The following NELL1 variants were observed in gnomAD, a reference collection of about 807,000 sequenced individuals.
NELL1 encodes the protein neural EGFL like 1.
Under a neutral mutation model 107.4 loss-of-function variants are expected in NELL1, and 76 were observed. The ratio of observed to expected loss-of-function variants is 0.71; its 90% CI spans 0.59 to 0.86. The LOEUF is 0.86. Ranked by LOEUF, NELL1 falls within the 40% of genes least tolerant of loss-of-function variation. The pLI, the probability that NELL1 is intolerant of heterozygous loss-of-function variation, is 0.00. For synonymous variants in NELL1, 353 were observed against 341.2 expected (o/e 1.03, Z -0.38); for missense variants, 1,024 against 1,005.5 (o/e 1.02, Z -0.25).
intron 12 of NELL1, among the ~76,000 whole-genome samples, chr11:21,030,248 G>C (rs950870267): frequency 6.6e-6 from 1 of 152,106 alleles, no homozygotes; most frequent in Admixed American, 6.6e-5. Flanking sequence ...GGCCAGGAAG[G>C]GTCCCTGATT....
chr11:21,216,459 A>C (rs561336537), intron 13 of NELL1, among the ~76,000 whole-genome samples: 60 of 152,272 alleles, frequency 3.9e-4, no homozygotes, highest in South Asian at 3.5e-3. Flanking sequence ...TGCCTGGAAA[A>C]GTTGCAGACA....
intron 15 of NELL1, among the ~76,000 whole-genome samples, chr11:21,481,753 G>T (rs930105222): frequency 2.0e-5 from 3 of 152,162 alleles, no homozygotes; most frequent in Admixed American, 6.6e-5. Context: ...GGCAATCTGG[G>T]CTAGCCCCAC....
chr11:21,389,808 A>G (rs1159971258), intron 15 of NELL1, among the ~76,000 whole-genome samples: 1 of 151,856 alleles, frequency 6.6e-6, no homozygotes, highest in Non-Finnish European at 1.5e-5. Flanking sequence ...CCCAAAATGT[A>G]TTAATCCATT....
intron 14 of NELL1, among the ~76,000 whole-genome samples, chr11:21,345,841 A>G (rs1850672031): frequency 6.6e-6 from 1 of 152,172 alleles, no homozygotes; most frequent in Admixed American, 6.5e-5. Context: ...TGAGATCTGC[A>G]CGACCAGCAA....
Position 20,836,622 on chromosome 11 carries a change from T to A in NELL1, c.336-10961T>A, listed in dbSNP as rs202156327. On this transcript the variant is annotated intron_variant, in intron 3 of 19. Transcript: ENST00000357134. ...AGCCATGCAAAGACACAGGTGAAAC[T>A]TTTTTTTTTATGGCTGATCCTATTT... Among the ~76,000 whole-genome samples, 129 of 26,832 alleles carry A rather than the reference T, an allele frequency of 4.8e-3. 1 individual carries two copies. The highest frequency in any genetic ancestry group is 0.037 in the South Asian group (21 of 570). 17.6% of individuals were successfully genotyped at this position (26,832 alleles called of 152,430 possible). A position where few individuals can be genotyped will look rare whatever the true frequency, so the allele number is the denominator to read the frequency against.
intron 15 of NELL1, among the ~76,000 whole-genome samples, chr11:21,420,400 C>G (rs376871070): frequency 2.0e-5 from 3 of 151,224 alleles, no homozygotes; most frequent in Non-Finnish European, 4.4e-5. Flanking sequence ...TGTAAATGTA[C>G]AAATATGAAA....
intron 13 of NELL1, among the ~76,000 whole-genome samples, chr11:21,216,567 A>G (rs1857618281): frequency 6.6e-6 from 1 of 152,242 alleles, no homozygotes. Context: ...CACCTCTTGC[A>G]TCAGCATGCC....
intron 14 of NELL1, among the ~76,000 whole-genome samples, chr11:21,280,875 C>T (rs932074797): frequency 6.6e-6 from 1 of 152,116 alleles, no homozygotes. Context: ...TCTAAACAGT[C>T]TAGGCCACAG....
intron 15 of NELL1, among the ~76,000 whole-genome samples, chr11:21,426,726 G>A (rs1852831168): frequency 6.6e-6 from 1 of 152,050 alleles, no homozygotes; most frequent in South Asian, 2.1e-4. Context: ...ATCAGGCAGG[G>A]TGCAGTCAGA....
In NELL1 at chr11:20,827,036, G is replaced by A. The variant is rs1468476424; in HGVS notation, c.336-20547G>A. Among the ~76,000 whole-genome samples, 44 of 151,230 alleles carry A rather than the reference G, an allele frequency of 2.9e-4. 2 individuals are homozygous for A. Among genetic ancestry groups the A allele is most frequent in the Non-Finnish European group, 8.9e-5 (6 of 67,578 alleles). On this transcript the variant is annotated intron_variant, in intron 3 of 19. Coordinates refer to ENST00000357134, the MANE Select transcript of NELL1 (RefSeq NM_006157.5). ...ACTATAATACCTTTGAGAGGTTTAT[G>A]CTGGAATTGCCAAGACACAGCCCTG...
chr11:21,513,478 A>G (rs1855489225), intron 15 of NELL1, among the ~76,000 whole-genome samples: 1 of 152,194 alleles, frequency 6.6e-6, no homozygotes, highest in African/African-American at 2.4e-5. Context: ...TTGTGATTCT[A>G]TTAACGGAAA....
At position 20,688,438 on chromosome 11, in the gene NELL1, A is replaced by G. The variant is rs1223654697; in HGVS notation, c.184+10378A>G. ...AGCTGCCATCTTTATGTTCATGTTT[A>G]TCCAATGTTTAGCTCCCACTTATAA... On this transcript the variant is annotated intron_variant, in intron 2 of 19. Transcript: ENST00000357134. Among the ~76,000 whole-genome samples, 4 of 152,050 alleles carry G rather than the reference A, an allele frequency of 2.6e-5. No individual in the cohort carries two copies. In the East Asian group the frequency reaches 5.8e-4, roughly 22 times the overall value.
intron 15 of NELL1, among the ~76,000 whole-genome samples, chr11:21,499,209 T>C (rs1210144806): frequency 6.6e-6 from 1 of 152,050 alleles, no homozygotes; most frequent in Non-Finnish European, 1.5e-5. Flanking sequence ...TTGTATGTTA[T>C]TAAACTCTGT....
In NELL1 at chr11:21,575,300, C is replaced by G; in HGVS notation, c.*278C>G. The G allele has an allele frequency of 2.8e-6, 1 of 353,618 alleles. No homozygotes were observed. The highest frequency in any genetic ancestry group is 4.5e-5 in the East Asian group (1 of 22,046). 21.9% of individuals were successfully genotyped at this position (353,618 alleles called of 1,614,324 possible). A position where few individuals can be genotyped will look rare whatever the true frequency, so the allele number is the denominator to read the frequency against. On this transcript the variant is annotated 3_prime_UTR_variant, in exon 20 of 20. Transcript: ENST00000357134. ...GTGTTGTAAATCATGTTTCCCTTAT[C>G]AGATCATTTGCAAATACATTTAAAT...
At chr11:20,717,332 C>G (rs747281163) in intron 2 of NELL1, among the ~76,000 whole-genome samples, 1 of 152,162 alleles carries the variant, frequency 6.6e-6, no homozygotes, top group Non-Finnish European at 1.5e-5. Flanking sequence ...TTTGTCCCAC[C>G]TAAATCACTT....
At position 20,862,594 on chromosome 11, in the gene NELL1, T is replaced by C. The variant is rs183877052; in HGVS notation, c.506+14841T>C. ...ATAGTTTCACTGCCCTAAAAATCTT[T>C]TGAGCTGCTGCTTTTTTTTTTTTTT... On this transcript the variant is annotated intron_variant, in intron 4 of 19. Coordinates refer to ENST00000357134, the MANE Select transcript of NELL1 (RefSeq NM_006157.5). 3.4e-4 allele frequency among the ~76,000 whole-genome samples: 50 copies of C among 149,242 alleles called. No individual in the cohort carries two copies. The East Asian group carries it at 8.4e-3, about 25-fold the overall frequency.
At chr11:20,732,445 C>T (rs1191680964) in intron 2 of NELL1, among the ~76,000 whole-genome samples, 2 of 152,076 alleles carry the variant, frequency 1.3e-5, no homozygotes, top group Non-Finnish European at 2.9e-5. Context: ...AGGTAACTAC[C>T]AGCAGAGTCT....
intron 15 of NELL1, among the ~76,000 whole-genome samples, chr11:21,499,794 T>G (rs1383304209): frequency 6.6e-6 from 1 of 152,124 alleles, no homozygotes; most frequent in Admixed American, 6.6e-5. Flanking sequence ...TTTCTTCTTT[T>G]GAGTGCCAAG....
chr11:21,048,447 C>T (rs541208135), intron 12 of NELL1, among the ~76,000 whole-genome samples: 1 of 152,234 alleles, frequency 6.6e-6, no homozygotes, highest in African/African-American at 2.4e-5. Flanking sequence ...TGATCTGTCT[C>T]TTTGCTTCCT....
Sources: gnomAD v4.1 joint callset for allele counts (sites outside exome capture counted in the v4.1 genomes callset) on GRCh38, gnomAD v4.1.1 for gene constraint, MANE v1.5 for transcripts, NCBI Gene and HGNC (gene_info 2026-07-23, HGNC 2026-07-21) for gene names.